Variants in TRDN observed in about 807,000 individuals in gnomAD.
TRDN encodes the protein triadin in skeletal muscle.
Under a neutral mutation model 149.7 loss-of-function variants are expected in TRDN, and 161 were observed. The observed-to-expected ratio is 1.08, with a 90% confidence interval of 0.95 to 1.23. The LOEUF (loss-of-function observed/expected upper bound fraction) is 1.23. TRDN is among the 50% of genes most tolerant of loss of function. The pLI, the probability that TRDN is intolerant of heterozygous loss-of-function variation, is 0.00. For missense variants in TRDN, 896 were observed against 823.5 expected, an observed-to-expected ratio of 1.09 and a Z score of -1.08; for synonymous variants, 294 against 250.5, an observed-to-expected ratio of 1.17 and a Z score of -1.64.
At chr6:123,565,028 C>G (rs955791531) in intron 2 of TRDN, among the ~76,000 whole-genome samples, 3 of 152,118 alleles carry the variant, frequency 2.0e-5, no homozygotes, top group Non-Finnish European at 4.4e-5. Flanking sequence ...TCCACTAATG[C>G]CTTAGTTTGT....
intron 1 of TRDN, among the ~76,000 whole-genome samples, chr6:123,631,263 T>C (rs1297577830): frequency 6.6e-6 from 1 of 151,988 alleles, no homozygotes; most frequent in Admixed American, 6.6e-5. Flanking sequence ...AAAAGCTTCA[T>C]ACTTAATACC....
At chr6:123,576,065 T>C (rs182173779) in intron 1 of TRDN, among the ~76,000 whole-genome samples, 157 of 152,092 alleles carry the variant, frequency 1.0e-3, no homozygotes, top group South Asian at 1.0e-2. Flanking sequence ...GTAGAGCAAA[T>C]GAGAGAAAGG....
chr6:123,401,328 G>C (rs1366559193), intron 12 of TRDN, among the ~76,000 whole-genome samples: 1 of 152,194 alleles, frequency 6.6e-6, no homozygotes, highest in African/African-American at 2.4e-5. Context: ...GCAGCCCAAG[G>C]AAGAATTCAG....
chr6:123,366,826 CAAATTTTAAGTTACAT>C (rs1781121719), intron 19 of TRDN, among the ~76,000 whole-genome samples: 1 of 152,090 alleles, frequency 6.6e-6, no homozygotes, highest in Non-Finnish European at 1.5e-5. Flanking sequence ...CCATAGTCTA[CAAATTTTAAGTTACAT>C]ATGAATTATA....
At chr6:123,408,858 G>A (rs1410034378) in intron 12 of TRDN, among the ~76,000 whole-genome samples, 2 of 152,084 alleles carry the variant, frequency 1.3e-5, no homozygotes, top group African/African-American at 4.8e-5. Context: ...ACTTTAAAGT[G>A]GAACCCATAG....
At chr6:123,334,655 C>A (rs1018784092) in intron 22 of TRDN, among the ~76,000 whole-genome samples, 3 of 151,954 alleles carry the variant, frequency 2.0e-5, no homozygotes, top group African/African-American at 7.2e-5. Context: ...CCAGGAAAGT[C>A]AATAACTGAA....
chr6:123,535,375 C>T (rs536031092), intron 4 of TRDN, among the ~76,000 whole-genome samples: 97 of 152,246 alleles, frequency 6.4e-4, no homozygotes, highest in Non-Finnish European at 1.2e-3. Context: ...TGTATTTCTA[C>T]TTCTTTTACT....
chr6:123,309,659 G>A (rs2185162), intron 24 of TRDN, among the ~76,000 whole-genome samples: 76,392 of 151,444 alleles, frequency 0.5, 20,377 homozygotes, highest in Non-Finnish European at 0.6. Context: ...AACTGGTCAG[G>A]TTCACCTATA....
intron 24 of TRDN, among the ~76,000 whole-genome samples, chr6:123,314,598 G>A (rs1048788942): frequency 6.6e-6 from 1 of 151,986 alleles, no homozygotes; most frequent in African/African-American, 2.4e-5. Context: ...CAAGCCAAAT[G>A]CTCATCAATG....
chr6:123,550,996 G>A (rs1319984628), intron 2 of TRDN, among the ~76,000 whole-genome samples: 2 of 151,572 alleles, frequency 1.3e-5, no homozygotes, highest in East Asian at 3.9e-4. Flanking sequence ...GATTGTTCTG[G>A]CACCATTAAA....
At chr6:123,234,744 T>A (rs1191036227) in intron 38 of TRDN, among the ~76,000 whole-genome samples, 1 of 152,022 alleles carries the variant, frequency 6.6e-6, no homozygotes, top group East Asian at 1.9e-4. Flanking sequence ...AAGGACTGGG[T>A]TTAGAGGAAG....
At position 123,464,996 on chromosome 6, in the gene TRDN, GA is replaced by G; in HGVS notation, c.854-14del. 1 of 1,569,510 alleles carries G rather than the reference GA, an allele frequency of 6.4e-7. No individual in the cohort carries two copies. The highest frequency in any genetic ancestry group is 8.6e-7 in the Non-Finnish European group (1 of 1,157,344). Reference sequence around the variant, plus strand: ...GCTGGGCTTTGTCCTACACAATGTAGAAGTAGGAATTGGAAAAAAAAAAGTA... The same window carrying G: ...GCTGGGCTTTGTCCTACACAATGTAGAGTAGGAATTGGAAAAAAAAAAGTA... On this transcript the variant is annotated splice_polypyrimidine_tract_variant and intron_variant, in intron 9 of 40. Transcript: ENST00000334268.
chr6:123,482,426 A>G lies in TRDN; in HGVS notation c.853+14767T>C, dbSNP rs565825828. Among the ~76,000 whole-genome samples, 14 of 152,350 alleles carry G rather than the reference A, an allele frequency of 9.2e-5. No individual in the cohort carries two copies. In the East Asian group the frequency reaches 2.7e-3, roughly 29 times the overall value. ...TCACAAATATATTCTCACTTGAATG[A>G]CACATTTGGAAGTCATCCAATCTCT... is the stretch of plus-strand genomic sequence containing the variant. On this transcript the variant is annotated intron_variant, in intron 9 of 40. Coordinates refer to ENST00000334268, the MANE Select transcript of TRDN (RefSeq NM_006073.4).
chr6:123,380,716 T>TTTG (rs1403665069), intron 16 of TRDN, among the ~76,000 whole-genome samples: 48 of 127,422 alleles, frequency 3.8e-4, no homozygotes, highest in African/African-American at 5.1e-4. Flanking sequence ...GTTCAAGGGT[T>TTTG]TTTTTTTTTT....
At chr6:123,469,080 G>T (rs1777001146) in intron 9 of TRDN, 1 of 152,172 alleles carries the variant, frequency 6.6e-6, no homozygotes, top group Non-Finnish European at 1.5e-5. Flanking sequence ...AAAGTGAGAA[G>T]ATGTGAGTTT....
intron 4 of TRDN, among the ~76,000 whole-genome samples, chr6:123,533,104 G>A (rs562113965): frequency 6.6e-6 from 1 of 152,134 alleles, no homozygotes; most frequent in Non-Finnish European, 1.5e-5. Context: ...TTGCCTTTAA[G>A]AGATCATTCC....
At chr6:123,403,327 C>T (rs1773059572) in intron 12 of TRDN, among the ~76,000 whole-genome samples, 1 of 152,010 alleles carries the variant, frequency 6.6e-6, no homozygotes. Flanking sequence ...GGAAGCCTAC[C>T]TTTAGAGCTG....
intron 9 of TRDN, chr6:123,489,703 C>T (rs1448530712): frequency 1.3e-5 from 2 of 151,912 alleles, no homozygotes; most frequent in African/African-American, 2.4e-5. Context: ...ACTCATCAAT[C>T]GTTCCTAACA....
intron 2 of TRDN, among the ~76,000 whole-genome samples, chr6:123,568,621 G>T (rs539020950): frequency 6.6e-6 from 1 of 152,190 alleles, no homozygotes; most frequent in African/African-American, 2.4e-5. Context: ...AGGCACCAAG[G>T]CTTATGGCTT....
Sources: allele counts gnomAD v4.1 joint callset (sites outside exome capture counted in the v4.1 genomes callset), GRCh38; gene constraint gnomAD v4.1.1; transcripts MANE v1.5; gene names NCBI Gene and HGNC (gene_info 2026-07-23, HGNC 2026-07-21).